CFTR: variants seen among roughly 807,000 people sequenced by gnomAD.
CFTR encodes the protein CF transmembrane conductance regulator.
CFTR carries 181 observed loss-of-function variants against 171.6 expected under a neutral mutation model. The ratio of observed to expected loss-of-function variants is 1.05; its 90% CI spans 0.93 to 1.19. The LOEUF (loss-of-function observed/expected upper bound fraction) is 1.19, where lower values mean the gene tolerates loss of function less well. Among genes scored for constraint, CFTR ranks in the 50% most tolerant of loss-of-function variants. The probability of loss-of-function intolerance (pLI) is 0.00; values close to 1 mark genes in which losing one functional copy is unlikely to be tolerated. For missense variants in CFTR, 1,968 were observed against 1,734.7 expected (o/e 1.13, Z -2.39); for synonymous variants, 583 against 608.0 (o/e 0.96, Z 0.60).
chr7:117,587,454 A>G (rs1457239597), intron 11 of CFTR, among the ~76,000 whole-genome samples: 1 of 152,218 alleles, frequency 6.6e-6, no homozygotes, highest in Non-Finnish European at 1.5e-5. Context: ...TTATATACCC[A>G]TAAATATACA....
At chr7:117,498,030 A>G (rs1313692619) in intron 1 of CFTR, among the ~76,000 whole-genome samples, 1 of 152,052 alleles carries the variant, frequency 6.6e-6, no homozygotes, top group Non-Finnish European at 1.5e-5. Flanking sequence ...TGGGTAGATC[A>G]ATTTTCTATT....
intron 1 of CFTR, among the ~76,000 whole-genome samples, chr7:117,486,476 G>A (rs1798076214): frequency 6.6e-6 from 1 of 152,140 alleles, no homozygotes; most frequent in Admixed American, 6.6e-5. Flanking sequence ...GTCAAGGAAG[G>A]CTTGCTGGGG....
At chr7:117,500,406 C>A (rs1391363544) in intron 1 of CFTR, among the ~76,000 whole-genome samples, 1 of 151,526 alleles carries the variant, frequency 6.6e-6, no homozygotes, top group Non-Finnish European at 1.5e-5. Context: ...CCCACCTCAG[C>A]CTCCCGCGTA....
At chr7:117,627,932 A>G in intron 22 of CFTR, 162 bp downstream of exon 22, 2 of 754,366 alleles carry the variant, frequency 2.7e-6, no homozygotes, top group Admixed American at 4.5e-5. Context: ...TATTTTTAAT[A>G]TGAAATTTAA....
At chr7:117,494,884 G>C (rs1398345436) in intron 1 of CFTR, among the ~76,000 whole-genome samples, 1 of 152,062 alleles carries the variant, frequency 6.6e-6, no homozygotes, top group Non-Finnish European at 1.5e-5. Context: ...GCTACGAATG[G>C]ACATACTTAA....
intron 23 of CFTR, among the ~76,000 whole-genome samples, chr7:117,648,075 A>T (rs1035758995): frequency 6.8e-6 from 1 of 147,468 alleles, no homozygotes; most frequent in Non-Finnish European, 1.5e-5. Flanking sequence ...ATATGTATAT[A>T]TATATATGTA....
intron 24 of CFTR, among the ~76,000 whole-genome samples, chr7:117,660,258 CT>C (rs1793250389): frequency 6.6e-6 from 1 of 152,048 alleles, no homozygotes; most frequent in Non-Finnish European, 1.5e-5. Context: ...TTGAAGTCTT[CT>C]TAGTTTGGAC....
chr7:117,536,284 A>G (rs532529536), intron 6 of CFTR, among the ~76,000 whole-genome samples: 21 of 152,258 alleles, frequency 1.4e-4, no homozygotes, highest in African/African-American at 4.8e-4. Flanking sequence ...TGCTTTTTTC[A>G]TCTCTAAAAT....
intron 14 of CFTR, among the ~76,000 whole-genome samples, chr7:117,593,313 T>C (rs1261537404): frequency 1.3e-5 from 2 of 152,202 alleles, no homozygotes; most frequent in African/African-American, 4.8e-5. Flanking sequence ...CAGGAAATAA[T>C]ATAAAAAGGA....
intron 21 of CFTR, among the ~76,000 whole-genome samples, chr7:117,620,142 A>T (rs1792552420): frequency 6.6e-6 from 1 of 151,734 alleles, no homozygotes; most frequent in Admixed American, 6.6e-5. Context: ...GTTTTCACAA[A>T]TTTTTGTGGT....
chr7:117,506,271 G>C (rs1798415145), intron 2 of CFTR, among the ~76,000 whole-genome samples: 1 of 152,176 alleles, frequency 6.6e-6, no homozygotes, highest in African/African-American at 2.4e-5. Context: ...TTTTGAGACA[G>C]AGTCTTGCTC....
At chr7:117,662,451 A>T (rs2116216259) in intron 24 of CFTR, among the ~76,000 whole-genome samples, 1 of 152,292 alleles carries the variant, frequency 6.6e-6, no homozygotes, top group Non-Finnish European at 1.5e-5. Context: ...ATTCAGAAGG[A>T]TATGTCAGGC....
At chr7:117,594,344 T>A (rs213972) in intron 14 of CFTR, among the ~76,000 whole-genome samples, 16,041 of 152,246 alleles carry the variant, frequency 0.11, 964 homozygotes, top group African/African-American at 0.16. Flanking sequence ...TCTCTCTTTT[T>A]CAAATTTTTG....
chr7:117,558,678 T>G (rs1369770592), intron 10 of CFTR, among the ~76,000 whole-genome samples: 5 of 152,206 alleles, frequency 3.3e-5, no homozygotes, highest in Non-Finnish European at 7.3e-5. Flanking sequence ...ATCTTTGTAT[T>G]GTTAAATCTG....
At chr7:117,506,793 C>T (rs1411920138) in intron 2 of CFTR, among the ~76,000 whole-genome samples, 1 of 152,104 alleles carries the variant, frequency 6.6e-6, no homozygotes, top group African/African-American at 2.4e-5. Flanking sequence ...CCCATACGTT[C>T]TATTATTTTT....
intron 20 of CFTR, among the ~76,000 whole-genome samples, chr7:117,613,960 A>G (rs1351687356): frequency 3.4e-5 from 5 of 147,046 alleles, no homozygotes; most frequent in South Asian, 4.3e-4. Context: ...AATTACTGTA[A>G]TTTAACACTT....
intron 11 of CFTR, among the ~76,000 whole-genome samples, chr7:117,564,293 T>A (rs1791564165): frequency 6.6e-6 from 1 of 152,198 alleles, no homozygotes; most frequent in South Asian, 2.1e-4. Context: ...CAAAAGTAAC[T>A]GAAAGTGCTC....
intron 14 of CFTR, among the ~76,000 whole-genome samples, chr7:117,594,540 C>G (rs1199988360): frequency 6.6e-6 from 1 of 152,094 alleles, no homozygotes; most frequent in Non-Finnish European, 1.5e-5. Context: ...TGTACTTGTC[C>G]ATGGACCCCT....
intron 24 of CFTR, among the ~76,000 whole-genome samples, chr7:117,661,552 G>A (rs1283286221): frequency 6.6e-6 from 1 of 152,120 alleles, no homozygotes; most frequent in Non-Finnish European, 1.5e-5. Flanking sequence ...TCTCCACCCT[G>A]TTACTATGGC....
Sources: gnomAD v4.1 joint callset for allele counts (sites outside exome capture counted in the v4.1 genomes callset) on GRCh38, gnomAD v4.1.1 for gene constraint, MANE v1.5 for transcripts, NCBI Gene and HGNC (gene_info 2026-07-23, HGNC 2026-07-21) for gene names.